Variants in STYXL2 observed in about 807,000 individuals in gnomAD.
The protein encoded by STYXL2 is serine/threonine/tyrosine-interacting-like protein 2.
In STYXL2, 44 loss-of-function variants were observed where a neutral mutation model predicts 52.4. That is an observed-to-expected ratio of 0.84 (90% CI 0.66 to 1.08). The LOEUF (loss-of-function observed/expected upper bound fraction) is 1.08, where lower values mean the gene tolerates loss of function less well. Ranked by LOEUF, STYXL2 falls within the 50% of genes least tolerant of loss-of-function variation. The pLI is 0.00. For synonymous variants in STYXL2, 604 were observed against 586.9 expected (o/e 1.03, Z -0.42); for missense variants, 1,604 against 1,471.7 (o/e 1.09, Z -1.47).
chr1:167,106,533 T>C (rs1334549079), intron 2 of STYXL2, among the ~76,000 whole-genome samples: 2 of 152,212 alleles, frequency 1.3e-5, no homozygotes, highest in African/African-American at 4.8e-5. Flanking sequence ...ATAAATAAAA[T>C]GATTAATGTT....
chr1:167,120,829 CATATATATATATATATATATAT>C (rs71587032), intron 5 of STYXL2, among the ~76,000 whole-genome samples: 1,824 of 115,064 alleles, frequency 0.016, 87 homozygotes, highest in African/African-American at 0.048. Context: ...GTGTAAATTA[CATATATATATATATATATATAT>C]ATATATATAT....
At chr1:167,106,576 T>C (rs1238473954) in intron 2 of STYXL2, among the ~76,000 whole-genome samples, 2 of 152,204 alleles carry the variant, frequency 1.3e-5, no homozygotes, top group Non-Finnish European at 2.9e-5. Flanking sequence ...TATTAATTAC[T>C]GAAAAATAAA....
rs117105149 is a variant in STYXL2 at position 167,126,231 on chromosome 1, A to C, written c.1100A>C (p.Gln367Pro). 2,683 of 1,546,162 alleles carry C rather than the reference A, an allele frequency of 1.7e-3. 78 individuals carry two copies. The East Asian group carries it at 0.053, about 31-fold the overall frequency. The change falls in exon 6 of 6, where the codon CAG (glutamine) becomes CCG (proline). Residue 367 changes from glutamine to proline, a missense_variant. Physicochemically the swap from Gln to Pro is moderately conservative, Grantham distance 76. Transcript: ENST00000361200. Reference sequence around the variant, plus strand: ...GGCCTCCTCTCAGACAAGGTCCCCCAGGATGGAGGTGGCTGGCGCTCAGCC... The same window carrying C: ...GGCCTCCTCTCAGACAAGGTCCCCCCGGATGGAGGTGGCTGGCGCTCAGCC... ...GQGLLSDKVP[Q>P]DGGGWRSASS...
In STYXL2 at chr1:167,094,865, G is replaced by C. The variant is rs151054229; in HGVS notation, c.16G>C (p.Asp6His). Residue 6 changes from aspartate (D) to histidine (H), a missense_variant, in exon 2 of 6, where the codon GAC (aspartate) becomes CAC (histidine). By Grantham distance (81) the Asp-to-His change is moderately conservative. Coordinates refer to ENST00000361200, the MANE Select transcript of STYXL2 (RefSeq NM_001080426.3). Reference sequence around the variant, plus strand: ...GCAGGTTGTCATGGCGACCAGAAAGGACACAGAGGAGGAGCAGGTAGTCCC... The same window carrying C: ...GCAGGTTGTCATGGCGACCAGAAAGCACACAGAGGAGGAGCAGGTAGTCCC... MATRK[D>H]TEEEQVVPSE... 1 of 1,613,288 alleles carries C rather than the reference G, an allele frequency of 6.2e-7. No individual in the cohort carries two copies. Among genetic ancestry groups the C allele is most frequent in the Non-Finnish European group, 8.5e-7 (1 of 1,179,810 alleles).
At chr1:167,121,592 A>G (rs1338204804) in intron 5 of STYXL2, among the ~76,000 whole-genome samples, 1 of 152,252 alleles carries the variant, frequency 6.6e-6, no homozygotes, top group African/African-American at 2.4e-5. Flanking sequence ...GGAGGGAGGA[A>G]GAACGAGCCC....
At chr1:167,114,758 AT>A (rs928911188) in intron 3 of STYXL2, among the ~76,000 whole-genome samples, 2 of 151,480 alleles carry the variant, frequency 1.3e-5, no homozygotes, top group Non-Finnish European at 2.9e-5. Flanking sequence ...GCTTTGGGGG[AT>A]TTTTTTTCTT....
chr1:167,126,087 ACAG>A lies in STYXL2; in HGVS notation c.958_960del (p.Ser320del). 6 of 1,530,608 alleles carry A rather than the reference ACAG, an allele frequency of 3.9e-6. No individual in the cohort carries two copies. Among genetic ancestry groups the A allele is most frequent in the Non-Finnish European group, 5.3e-6 (6 of 1,140,158 alleles). 94.8% of individuals were successfully genotyped at this position (1,530,608 alleles called of 1,614,324 possible). On this transcript the variant is annotated inframe_deletion, in exon 6 of 6. Coordinates refer to ENST00000361200, the MANE Select transcript of STYXL2 (RefSeq NM_001080426.3). ...GCCCTGACGGTGGAAGAGGAGGACG[ACAG>A]CGCCAGCCACCTGAGTGGCTCCTCC...
rs527250479 is a variant in STYXL2 at position 167,122,773 on chromosome 1, C to G, written c.656-3014C>G. 2.6e-5 allele frequency among the ~76,000 whole-genome samples: 4 copies of G among 152,246 alleles called. No individual in the cohort carries two copies. The South Asian group carries it at 8.3e-4, about 32-fold the overall frequency. ...CTCCGCCTCCCAGATTCAAGCGATT[C>G]TCAGGCCTCAGCCTCCTGAGTAGCT... On this transcript the variant is annotated intron_variant, in intron 5 of 5. Transcript: ENST00000361200.
chr1:167,115,881 G>A (rs1351833399), intron 3 of STYXL2, among the ~76,000 whole-genome samples: 1 of 152,086 alleles, frequency 6.6e-6, no homozygotes, highest in East Asian at 1.9e-4. Flanking sequence ...AAGAGAGAAG[G>A]GAAATGAAAT....
At chr1:167,111,904 G>T (rs1018817592) in intron 2 of STYXL2, among the ~76,000 whole-genome samples, 6 of 152,024 alleles carry the variant, frequency 3.9e-5, no homozygotes, top group African/African-American at 1.2e-4. Context: ...AAAAAAATGA[G>T]TTGATTAGCA....
chr1:167,103,401 A>T (rs1039177365), intron 2 of STYXL2, among the ~76,000 whole-genome samples: 8 of 152,084 alleles, frequency 5.3e-5, no homozygotes, highest in Non-Finnish European at 8.8e-5. Context: ...GCCTTGCAAA[A>T]CTTCACCCAG....
intron 2 of STYXL2, among the ~76,000 whole-genome samples, chr1:167,096,969 G>C (rs1667298875): frequency 6.6e-6 from 1 of 152,138 alleles, no homozygotes; most frequent in East Asian, 1.9e-4. Flanking sequence ...GGTCGGATCA[G>C]GATAACTGCC....
intron 5 of STYXL2, among the ~76,000 whole-genome samples, chr1:167,121,974 T>C (rs1667865763): frequency 6.6e-6 from 1 of 152,192 alleles, no homozygotes; most frequent in Non-Finnish European, 1.5e-5. Context: ...TGGTTTTCTC[T>C]GCTTTAGGAG....
chr1:167,111,491 TATATATATATATATATATATATAC>T (rs1181434826), intron 2 of STYXL2, among the ~76,000 whole-genome samples: 2 of 116,314 alleles, frequency 1.7e-5, no homozygotes, highest in East Asian at 2.0e-4. Flanking sequence ...TATATATATA[TATATATATATATATATATATATAC>T]ACACACACAC....
chr1:167,125,630 G>A (rs1175192701), intron 5 of STYXL2, among the ~76,000 whole-genome samples, 157 bp from the exon 6 acceptor site: 1 of 147,038 alleles, frequency 6.8e-6, no homozygotes, highest in Non-Finnish European at 1.5e-5. Flanking sequence ...GTGATGCTCA[G>A]CCCTCCTGTG....
chr1:167,094,707 GGTCTTTTGCCCACCGGGACCTTCCTA>G, intron 1 of STYXL2, 101 bp from the exon 2 acceptor site: 1 of 654,608 alleles, frequency 1.5e-6, no homozygotes, highest in Non-Finnish European at 2.7e-6. Context: ...ATTCCTTGCT[GGTCTTTTGCCCACCGGGACCTTCCTA>G]GTCCTAGTTC....
chr1:167,121,718 T>G (rs1029063043), intron 5 of STYXL2, among the ~76,000 whole-genome samples: 2 of 152,222 alleles, frequency 1.3e-5, no homozygotes, highest in Admixed American at 1.3e-4. Flanking sequence ...GGCTGGGTCA[T>G]GCTGGCCAGG....
At chr1:167,111,635 T>C (rs1667625675) in intron 2 of STYXL2, among the ~76,000 whole-genome samples, 1 of 151,510 alleles carries the variant, frequency 6.6e-6, no homozygotes, top group South Asian at 2.1e-4. Flanking sequence ...GTAAGTGAAG[T>C]AACTCAGGAA....
In STYXL2 at chr1:167,126,387, A is replaced by G; in HGVS notation, c.1256A>G (p.Glu419Gly). The change falls in exon 6 of 6, where the codon GAG becomes GGG. Residue 419 changes from glutamate (E) to glycine (G), a missense_variant. Glu to Gly is a moderately conservative substitution (Grantham distance 98). Transcript: ENST00000361200. ...RRWGREEEKE[E>G]ESDAGSSVGR... ...TGGGGAAGGGAGGAGGAGAAGGAGG[A>G]GGAGAGCGACGCTGGCTCCTCGGTG... The G allele has an allele frequency of 1.3e-6, 2 of 1,553,278 alleles. No homozygotes were observed. The highest frequency in any genetic ancestry group is 1.7e-6 in the Non-Finnish European group (2 of 1,148,480).
Sources: gnomAD v4.1 joint callset for allele counts (sites outside exome capture counted in the v4.1 genomes callset) on GRCh38, gnomAD v4.1.1 for gene constraint, MANE v1.5 for transcripts, NCBI Gene and HGNC (gene_info 2026-07-23, HGNC 2026-07-21) for gene names.